Variants in AOPEP observed in about 807,000 individuals in gnomAD.
The protein encoded by AOPEP is aminopeptidase O.
A neutral mutation model predicts 98.1 loss-of-function variants in AOPEP; 77 were observed. The ratio of observed to expected loss-of-function variants is 0.78; its 90% CI spans 0.65 to 0.95. The LOEUF (loss-of-function observed/expected upper bound fraction) is 0.95, where lower values mean the gene tolerates loss of function less well. AOPEP is among the 40% of genes least tolerant of loss of function. AOPEP has a pLI of 0.00. For synonymous variants in AOPEP, 346 were observed against 365.3 expected (o/e 0.95, Z 0.60); for missense variants, 1,024 against 1,024.7 (o/e 1.00, Z 0.01).
At chr9:94,815,318 TG>T (rs1390582130) in intron 5 of AOPEP, among the ~76,000 whole-genome samples, 2 of 152,046 alleles carry the variant, frequency 1.3e-5, no homozygotes, top group Admixed American at 6.5e-5. Context: ...CACTGTAAAG[TG>T]TTTTGATTTT....
At chr9:94,950,672 T>C (rs1350246922) in intron 7 of AOPEP, among the ~76,000 whole-genome samples, 1 of 152,264 alleles carries the variant, frequency 6.6e-6, no homozygotes, top group Non-Finnish European at 1.5e-5. Context: ...GAAATGATCA[T>C]TAATTCCCTT....
At chr9:94,954,882 G>A (rs986313623) in intron 7 of AOPEP, among the ~76,000 whole-genome samples, 54 of 152,082 alleles carry the variant, frequency 3.6e-4, no homozygotes, top group African/African-American at 1.2e-3. Context: ...ATCAAAAAAG[G>A]GTATACGTTC....
intron 5 of AOPEP, among the ~76,000 whole-genome samples, chr9:94,895,755 C>G (rs953540618): frequency 6.6e-6 from 1 of 152,060 alleles, no homozygotes; most frequent in East Asian, 1.9e-4. Flanking sequence ...CAGGGTCTCA[C>G]TATGTTTGAG....
chr9:94,937,718 C>T (rs1487823962), intron 7 of AOPEP, among the ~76,000 whole-genome samples: 1 of 152,192 alleles, frequency 6.6e-6, no homozygotes, highest in Non-Finnish European at 1.5e-5. Flanking sequence ...CCCAGAAACT[C>T]TCAGACCCTA....
At chr9:94,852,114 C>A (rs1018755863) in intron 5 of AOPEP, among the ~76,000 whole-genome samples, 1 of 152,092 alleles carries the variant, frequency 6.6e-6, no homozygotes, top group African/African-American at 2.4e-5. Context: ...ATAATTTGAG[C>A]GGCTGCTATG....
At chr9:94,737,673 G>A (rs1319624197) in intron 1 of AOPEP, among the ~76,000 whole-genome samples, 3 of 152,192 alleles carry the variant, frequency 2.0e-5, no homozygotes, top group Non-Finnish European at 4.4e-5. Context: ...TTGGTATAAT[G>A]TGTAAAGTTT....
At chr9:95,105,029 A>T in the AOPEP span, among the ~76,000 whole-genome samples, 6 of 152,222 alleles carry the variant, frequency 3.9e-5, no homozygotes, top group Non-Finnish European at 8.8e-5. Flanking sequence ...TTATAAGAGT[A>T]CACAATAGAT....
downstream of AOPEP, among the ~76,000 whole-genome samples, chr9:95,091,727 G>A (rs1283578539): frequency 6.6e-6 from 1 of 152,212 alleles, no homozygotes; most frequent in Admixed American, 6.5e-5. Context: ...TGCTGTCTGG[G>A]AGACTGATCA....
chr9:95,065,328 G>A (rs1378202508), intron 14 of AOPEP: 1 of 152,272 alleles, frequency 6.6e-6, no homozygotes, highest in Admixed American at 6.5e-5. Context: ...GTGTGTGAGG[G>A]CAGCACCCAG....
the AOPEP span, among the ~76,000 whole-genome samples, chr9:95,108,430 A>G: frequency 1.3e-5 from 2 of 152,174 alleles, no homozygotes; most frequent in East Asian, 1.9e-4. Context: ...CTATGCCTTT[A>G]TATCTGTTTT....
At chr9:94,814,247 C>T (rs1295207879) in intron 5 of AOPEP, among the ~76,000 whole-genome samples, 1 of 152,218 alleles carries the variant, frequency 6.6e-6, no homozygotes, top group East Asian at 1.9e-4. Flanking sequence ...AGCCCAAATC[C>T]TGCAAAATCT....
At chr9:94,790,034 C>T (rs1486929201) in intron 3 of AOPEP, among the ~76,000 whole-genome samples, 5 of 149,850 alleles carry the variant, frequency 3.3e-5, no homozygotes, top group African/African-American at 4.9e-5. Flanking sequence ...CCATCACGCC[C>T]GGCTAATTTT....
At chr9:95,122,568 C>T in the AOPEP span, among the ~76,000 whole-genome samples, 2 of 152,198 alleles carry the variant, frequency 1.3e-5, no homozygotes, top group African/African-American at 4.8e-5. Flanking sequence ...ACACCAGGAC[C>T]CAGTGTGTGG....
chr9:94,794,389 T>TGA (rs1846448868), intron 4 of AOPEP, among the ~76,000 whole-genome samples: 1 of 152,198 alleles, frequency 6.6e-6, no homozygotes, highest in South Asian at 2.1e-4. Context: ...TAGAGATGAT[T>TGA]AGTTACTCCT....
chr9:94,868,168 C>T lies in AOPEP; in HGVS notation c.1365-55818C>T, dbSNP rs73657006. 6.5e-3 allele frequency among the ~76,000 whole-genome samples: 993 copies of T among 152,310 alleles called. 7 individuals carry two copies. Among genetic ancestry groups the T allele is most frequent in the African/African-American group, 0.023 (947 of 41,548 alleles). On this transcript the variant is annotated intron_variant, in intron 5 of 16. Transcript: ENST00000375315. ...TACTAATTCCTAGGCTGCTTTAGCACGAATGGTCATAACAACTGGGATAGC... is the reference window on the plus strand; with the variant it reads ...TACTAATTCCTAGGCTGCTTTAGCATGAATGGTCATAACAACTGGGATAGC...
rs1398285404 is a variant in AOPEP, at chr9:95,034,739, G to A, written c.2116-25955G>A. ...AGTTTGCTCTTAATTCTGATCAACT[G>A]ACAGTCTTTGACTCAACATGAAGCA... On this transcript the variant is annotated intron_variant, in intron 13 of 16. Transcript: ENST00000375315. Among the ~76,000 whole-genome samples the A allele has an allele frequency of 2.6e-5, 4 of 152,186 alleles. No individual in the cohort carries two copies. The East Asian group carries it at 5.8e-4, about 22-fold the overall frequency.
intron 5 of AOPEP, among the ~76,000 whole-genome samples, chr9:94,919,815 C>G (rs1324474071): frequency 3.9e-5 from 6 of 152,178 alleles, no homozygotes; most frequent in Admixed American, 1.3e-4. Flanking sequence ...TTAGAACTAT[C>G]TATCCTGCTG....
At chr9:94,728,941 G>A (rs1829892528) in intron 1 of AOPEP, among the ~76,000 whole-genome samples, 1 of 152,216 alleles carries the variant, frequency 6.6e-6, no homozygotes, top group Non-Finnish European at 1.5e-5. Flanking sequence ...TGTTGGGATA[G>A]GGATTGAGGA....
chr9:94,898,037 A>C (rs1454449064), intron 5 of AOPEP, among the ~76,000 whole-genome samples: 3 of 151,744 alleles, frequency 2.0e-5, no homozygotes, highest in Non-Finnish European at 4.4e-5. Context: ...ATGGGGTTTC[A>C]CCATGTTGGC....
Sources: allele counts gnomAD v4.1 joint callset (sites outside exome capture counted in the v4.1 genomes callset), GRCh38; gene constraint gnomAD v4.1.1; transcripts MANE v1.5; gene names NCBI Gene and HGNC (gene_info 2026-07-23, HGNC 2026-07-21).